GPC5: variants seen among roughly 807,000 people sequenced by gnomAD.
GPC5 encodes glypican 5.
GPC5 carries 47 observed loss-of-function variants against 53.9 expected under a neutral mutation model. The ratio of observed to expected loss-of-function variants is 0.87; its 90% CI spans 0.69 to 1.11. The LOEUF (loss-of-function observed/expected upper bound fraction) is 1.11, where lower values mean the gene tolerates loss of function less well. GPC5 is among the 50% of genes most tolerant of loss of function. The pLI, the probability that GPC5 is intolerant of heterozygous loss-of-function variation, is 0.00. For missense variants in GPC5, 748 were observed against 713.1 expected, an observed-to-expected ratio of 1.05 and a Z score of -0.56; for synonymous variants, 286 against 263.3, an observed-to-expected ratio of 1.09 and a Z score of -0.84.
Position 92,649,892 on chromosome 13 carries a change from G to A in GPC5, c.1562-216390G>A, listed in dbSNP as rs534229038. On this transcript the variant is annotated intron_variant, in intron 7 of 7. Transcript: ENST00000377067. ...TGTCTTTAATTATTGGCAATACTTC[G>A]AATAATTTAAAAATGCTAGGCTAGG... 3.3e-5 allele frequency among the ~76,000 whole-genome samples: 5 copies of A among 152,042 alleles called. No homozygotes were observed. In the South Asian group the frequency reaches 8.3e-4, roughly 25 times the overall value.
At chr13:92,511,365 C>A (rs1880555516) in intron 7 of GPC5, among the ~76,000 whole-genome samples, 1 of 152,154 alleles carries the variant, frequency 6.6e-6, no homozygotes. Context: ...TTTCCACTAG[C>A]ACAAATGTAT....
chr13:91,626,025 AATAAC>A (rs68142901), intron 2 of GPC5, among the ~76,000 whole-genome samples: 74,683 of 151,354 alleles, frequency 0.49, 20,956 homozygotes, highest in Non-Finnish European at 0.61. Context: ...AGGCCCTACT[AATAAC>A]AAACAATGTA....
chr13:92,251,566 G>T (rs1205546202), intron 7 of GPC5, among the ~76,000 whole-genome samples: 2 of 152,008 alleles, frequency 1.3e-5, no homozygotes, highest in African/African-American at 4.8e-5. Flanking sequence ...ACATGATCAT[G>T]GGAACGAGCT....
rs1464540621 is a variant in GPC5, at chr13:91,988,864, A to G, written c.1401+80807A>G. Among the ~76,000 whole-genome samples, 3 of 150,380 alleles carry G rather than the reference A, an allele frequency of 2.0e-5. 1 individual carries two copies. Among genetic ancestry groups the G allele is most frequent in the Non-Finnish European group, 4.5e-5 (3 of 67,164 alleles). On this transcript the variant is annotated intron_variant, in intron 6 of 7. Coordinates refer to ENST00000377067, the MANE Select transcript of GPC5 (RefSeq NM_004466.6). ...CACTTGGTCAAAACCTCAATTCTGG[A>G]GTGTTTTAGATTTGAAATAGTCTCA...
chr13:91,532,130 G>A (rs1388817545), intron 2 of GPC5, among the ~76,000 whole-genome samples: 1 of 152,152 alleles, frequency 6.6e-6, no homozygotes, highest in Non-Finnish European at 1.5e-5. Context: ...TAAGGAAATT[G>A]ACACTTGAAT....
rs1038765786 is a variant in GPC5 at position 92,507,264 on chromosome 13, A to G, written c.1562-359018A>G. On this transcript the variant is annotated intron_variant, in intron 7 of 7. Transcript: ENST00000377067. ...AGTTTGCCTCTAATCTTACCCACTT[A>G]CAGCATCACAAGGAATTTTTTCTCA... 2.0e-5 allele frequency among the ~76,000 whole-genome samples: 3 copies of G among 152,288 alleles called. No individual in the cohort carries two copies. In the East Asian group the frequency reaches 5.8e-4, roughly 29 times the overall value.
At chr13:91,666,169 T>C (rs2139645866) in intron 2 of GPC5, among the ~76,000 whole-genome samples, 2 of 152,320 alleles carry the variant, frequency 1.3e-5, no homozygotes, top group East Asian at 3.9e-4. Flanking sequence ...CACATATGTC[T>C]TGGGACATGC....
At chr13:91,828,709 A>C (rs1475274674) in intron 5 of GPC5, among the ~76,000 whole-genome samples, 1 of 152,076 alleles carries the variant, frequency 6.6e-6, no homozygotes, top group Non-Finnish European at 1.5e-5. Flanking sequence ...CACACCTGGC[A>C]CAATTTGAGT....
chr13:91,811,031 G>A (rs890850808), intron 5 of GPC5, among the ~76,000 whole-genome samples: 3 of 150,762 alleles, frequency 2.0e-5, no homozygotes, highest in African/African-American at 7.3e-5. Context: ...GGAAAATATT[G>A]ACATAACACT....
chr13:91,632,737 A>G (rs1566568426), intron 2 of GPC5, among the ~76,000 whole-genome samples: 1 of 152,152 alleles, frequency 6.6e-6, no homozygotes, highest in Non-Finnish European at 1.5e-5. Context: ...CAAAAAAGAA[A>G]TGCTGCCTAA....
chr13:92,774,240 A>C (rs991969235), intron 7 of GPC5, among the ~76,000 whole-genome samples: 4 of 152,220 alleles, frequency 2.6e-5, no homozygotes, highest in African/African-American at 9.6e-5. Context: ...TTCTCTACTT[A>C]ACCTTGCAGG....
intron 5 of GPC5, among the ~76,000 whole-genome samples, chr13:91,836,969 G>A (rs1246132974): frequency 1.3e-5 from 2 of 150,792 alleles, no homozygotes; most frequent in Non-Finnish European, 3.0e-5. Context: ...TGAATAATTT[G>A]GAGGTTTTGA....
chr13:92,264,461 G>A (rs1253216501), intron 7 of GPC5, among the ~76,000 whole-genome samples: 3 of 151,860 alleles, frequency 2.0e-5, no homozygotes, highest in Admixed American at 2.0e-4. Context: ...TAGTTTTTGG[G>A]TTTGCAATGG....
chr13:91,429,430 A>G (rs1594077234), intron 1 of GPC5, among the ~76,000 whole-genome samples: 1 of 152,312 alleles, frequency 6.6e-6, no homozygotes, highest in Non-Finnish European at 1.5e-5. Flanking sequence ...AATTATAAAA[A>G]GTTCTGTAGG....
chr13:91,651,414 C>A (rs2034706683), intron 2 of GPC5, among the ~76,000 whole-genome samples: 1 of 152,084 alleles, frequency 6.6e-6, no homozygotes, highest in Admixed American at 6.6e-5. Context: ...GCACTTTGGT[C>A]ACTTTGACTT....
Position 92,077,912 on chromosome 13 carries a change from A to C in GPC5, c.1402-66918A>C, listed in dbSNP as rs554359307. Among the ~76,000 whole-genome samples the C allele has an allele frequency of 2.6e-5, 4 of 152,326 alleles. No homozygotes were observed. The East Asian group carries it at 7.7e-4, about 29-fold the overall frequency. ...AGAATGCCAAGCATTGCTGAACTTG[A>C]TAGACGTAGATATAGATAGCTAGGT... On this transcript the variant is annotated intron_variant, in intron 6 of 7. Coordinates refer to ENST00000377067, the MANE Select transcript of GPC5 (RefSeq NM_004466.6).
intron 5 of GPC5, among the ~76,000 whole-genome samples, chr13:91,798,378 T>C (rs2038080864): frequency 6.6e-6 from 1 of 152,114 alleles, no homozygotes; most frequent in Non-Finnish European, 1.5e-5. Context: ...TGTATGTTGT[T>C]CCCCACCATG....
intron 6 of GPC5, among the ~76,000 whole-genome samples, chr13:92,110,589 A>G (rs954080255): frequency 6.6e-6 from 1 of 152,138 alleles, no homozygotes; most frequent in Admixed American, 6.5e-5. Context: ...GAAAATTGGT[A>G]CTTGCCATTT....
At chr13:92,158,832 A>G (rs1282569428) in intron 7 of GPC5, among the ~76,000 whole-genome samples, 3 of 152,128 alleles carry the variant, frequency 2.0e-5, no homozygotes, top group African/African-American at 7.2e-5. Context: ...GCGGTCCTCT[A>G]AGGAGAGGAG....
Sources: allele counts gnomAD v4.1 joint callset (sites outside exome capture counted in the v4.1 genomes callset), GRCh38; gene constraint gnomAD v4.1.1; transcripts MANE v1.5; gene names NCBI Gene and HGNC (gene_info 2026-07-23, HGNC 2026-07-21).